CDH4: variants seen among roughly 807,000 people sequenced by gnomAD.
CDH4 encodes the protein cadherin 4.
CDH4 carries 33 observed loss-of-function variants against 86.0 expected under a neutral mutation model. That is an observed-to-expected ratio of 0.38 (90% CI 0.29 to 0.51). The LOEUF (loss-of-function observed/expected upper bound fraction) is 0.51. Ranked by LOEUF, CDH4 falls within the 20% of genes least tolerant of loss-of-function variation. The pLI, the probability that CDH4 is intolerant of heterozygous loss-of-function variation, is 0.86. For missense variants in CDH4, 1,114 were observed against 1,307.4 expected (o/e 0.85, Z 2.28); for synonymous variants, 555 against 549.4 (o/e 1.01, Z -0.14).
At chr20:61,316,440 A>G (rs1238312598) in intron 2 of CDH4, among the ~76,000 whole-genome samples, 1 of 152,218 alleles carries the variant, frequency 6.6e-6, no homozygotes, top group Non-Finnish European at 1.5e-5. Flanking sequence ...GGCAGAACAA[A>G]TGTGTTGTTC....
At chr20:61,347,455 G>A (rs527897705) in intron 2 of CDH4, among the ~76,000 whole-genome samples, 1 of 152,184 alleles carries the variant, frequency 6.6e-6, no homozygotes, top group South Asian at 2.1e-4. Flanking sequence ...AAAAGAAAGA[G>A]AAAAAATGTA....
chr20:61,329,092 G>A (rs2084553931), intron 2 of CDH4, among the ~76,000 whole-genome samples: 1 of 152,244 alleles, frequency 6.6e-6, no homozygotes. Flanking sequence ...ATTGAACGCT[G>A]CACTGAAAGT....
chr20:61,812,910 TG>T (rs979035041), intron 4 of CDH4, among the ~76,000 whole-genome samples: 4 of 152,170 alleles, frequency 2.6e-5, no homozygotes, highest in African/African-American at 9.7e-5. Context: ...CACAGCCGCC[TG>T]GTAACACACA....
chr20:61,705,320 G>A (rs2087817562), intron 2 of CDH4, among the ~76,000 whole-genome samples: 1 of 152,236 alleles, frequency 6.6e-6, no homozygotes, highest in Non-Finnish European at 1.5e-5. Flanking sequence ...CCACCTGGCG[G>A]GGGAGATGGT....
At chr20:61,624,382 A>T (rs151068307) in intron 2 of CDH4, among the ~76,000 whole-genome samples, 1 of 152,234 alleles carries the variant, frequency 6.6e-6, no homozygotes, top group African/African-American at 2.4e-5. Context: ...TCGGGCAGAC[A>T]TGGAGTCAGG....
At chr20:61,625,759 T>G (rs943115020) in intron 2 of CDH4, among the ~76,000 whole-genome samples, 4 of 152,242 alleles carry the variant, frequency 2.6e-5, no homozygotes, top group East Asian at 1.9e-4. Flanking sequence ...GTTCATCTTC[T>G]GAGCCCCGTG....
chr20:61,292,866 G>C (rs917035763), intron 2 of CDH4, among the ~76,000 whole-genome samples: 1 of 152,248 alleles, frequency 6.6e-6, no homozygotes, highest in Admixed American at 6.5e-5. Context: ...GCAGCCTCTG[G>C]TATCAGCAGT....
At chr20:61,276,020 A>G (rs1194100055) in intron 2 of CDH4, among the ~76,000 whole-genome samples, 1 of 152,192 alleles carries the variant, frequency 6.6e-6, no homozygotes, top group African/African-American at 2.4e-5. Flanking sequence ...AGTATCACTG[A>G]CAGCGGGTTC....
chr20:61,845,591 G>A (rs1057419792), intron 5 of CDH4, among the ~76,000 whole-genome samples: 1 of 152,222 alleles, frequency 6.6e-6, no homozygotes, highest in South Asian at 2.1e-4. Context: ...AATCACGAGG[G>A]TCACACCCCG....
intron 9 of CDH4, among the ~76,000 whole-genome samples, chr20:61,913,164 C>T (rs944346134): frequency 6.6e-6 from 1 of 152,200 alleles, no homozygotes; most frequent in Non-Finnish European, 1.5e-5. Flanking sequence ...ACCTGTCTCA[C>T]CTCCCCTGCC....
At chr20:61,389,860 G>T (rs563926704) in intron 2 of CDH4, among the ~76,000 whole-genome samples, 7 of 140,702 alleles carry the variant, frequency 5.0e-5, no homozygotes, top group Non-Finnish European at 1.1e-4. Flanking sequence ...CCATAGTGCC[G>T]TGTCTGGGAA....
At chr20:61,885,667 G>A (rs1347918292) in intron 7 of CDH4, among the ~76,000 whole-genome samples, 2 of 152,188 alleles carry the variant, frequency 1.3e-5, no homozygotes, top group South Asian at 2.1e-4. Context: ...GAGCTGCCAG[G>A]CCCCGTGGTG....
chr20:61,660,857 G>A (rs2087246947), intron 2 of CDH4, among the ~76,000 whole-genome samples: 1 of 152,178 alleles, frequency 6.6e-6, no homozygotes, highest in South Asian at 2.1e-4. Flanking sequence ...TCTTTGCCCG[G>A]TTTCCACAGT....
intron 2 of CDH4, among the ~76,000 whole-genome samples, chr20:61,344,562 C>T (rs1433004329): frequency 6.6e-6 from 1 of 151,966 alleles, no homozygotes; most frequent in Non-Finnish European, 1.5e-5. Context: ...TCTATATTTG[C>T]CATTGTTCTC....
chr20:61,868,789 G>C (rs1463867478), intron 6 of CDH4, among the ~76,000 whole-genome samples: 1 of 152,168 alleles, frequency 6.6e-6, no homozygotes, highest in Non-Finnish European at 1.5e-5. Flanking sequence ...CTCTCCTCTT[G>C]TCACCTGGTT....
At chr20:61,415,213 C>T (rs368710537) in intron 2 of CDH4, among the ~76,000 whole-genome samples, 17 of 152,284 alleles carry the variant, frequency 1.1e-4, no homozygotes, top group East Asian at 3.9e-4. Context: ...CCAGACCTGC[C>T]GAAGCAGGAG....
chr20:61,518,359 G>T lies in CDH4; in HGVS notation c.170-225204G>T, dbSNP rs1456586264. 6.6e-6 allele frequency among the ~76,000 whole-genome samples: 1 copy of T among 152,156 alleles called. No individual in the cohort carries two copies. The highest frequency in any genetic ancestry group is 1.5e-5 in the Non-Finnish European group (1 of 68,032). ...TAAGTCTGTTCCACCTAAAGGAAAG[G>T]TACGTTATCAGATAGGCTGGAATTT... On this transcript the variant is annotated intron_variant, in intron 2 of 15. Coordinates refer to ENST00000614565, the MANE Select transcript of CDH4 (RefSeq NM_001794.5). This position sits in a 1 kb window ranked among gnomAD's most constrained non-coding sequence, Gnocchi z 6.3.
chr20:61,482,285 G>A (rs895288773), intron 2 of CDH4, among the ~76,000 whole-genome samples: 5 of 152,230 alleles, frequency 3.3e-5, no homozygotes, highest in African/African-American at 4.8e-5. Flanking sequence ...ATGTTTGTAC[G>A]TGTCTGCCCA....
intron 2 of CDH4, among the ~76,000 whole-genome samples, chr20:61,713,550 C>G (rs945607941): frequency 6.6e-6 from 1 of 152,240 alleles, no homozygotes; most frequent in South Asian, 2.1e-4. Flanking sequence ...GCCGTCTCCT[C>G]TGCTTATGTA....
Sources: allele counts gnomAD v4.1 joint callset (sites outside exome capture counted in the v4.1 genomes callset), GRCh38; gene constraint gnomAD v4.1.1; non-coding constraint Gnocchi (gnomAD v3.1); transcripts MANE v1.5; gene names NCBI Gene and HGNC (gene_info 2026-07-23, HGNC 2026-07-21).